The following FAM184A variants were observed in gnomAD, a reference collection of about 807,000 sequenced individuals.
FAM184A encodes the protein protein FAM184A.
In FAM184A, 99 loss-of-function variants were observed where a neutral mutation model predicts 143.8. The observed-to-expected ratio is 0.69, with a 90% CI of 0.58 to 0.81. The LOEUF is 0.81. Among genes scored for constraint, FAM184A ranks in the 40% least tolerant of loss-of-function variants. The pLI, the probability that FAM184A is intolerant of heterozygous loss-of-function variation, is 0.00. For missense variants in FAM184A, 1,217 were observed against 1,310.5 expected (o/e 0.93, Z 1.10); for synonymous variants, 427 against 446.4 (o/e 0.96, Z 0.55).
intron 1 of FAM184A, among the ~76,000 whole-genome samples, chr6:119,053,898 C>G (rs1180994824): frequency 6.6e-6 from 1 of 152,082 alleles, no homozygotes; most frequent in South Asian, 2.1e-4. Context: ...CTGTTGTTTC[C>G]TATGGTGATA....
chr6:118,993,693 T>A (rs1211976466), intron 9 of FAM184A, among the ~76,000 whole-genome samples: 1 of 152,182 alleles, frequency 6.6e-6, no homozygotes, highest in African/African-American at 2.4e-5. Context: ...AAGAGAAAAT[T>A]CTAGATTGCT....
chr6:118,964,829 A>T, intron 15 of FAM184A, 58 bp from the exon 16 acceptor site: 1 of 878,108 alleles, frequency 1.1e-6, no homozygotes, highest in Non-Finnish European at 1.8e-6. Context: ...TTTTAAAAAC[A>T]TAAATGTATA....
intron 1 of FAM184A, among the ~76,000 whole-genome samples, chr6:119,134,743 C>T (rs1789619497): frequency 6.6e-6 from 1 of 151,672 alleles, no homozygotes; most frequent in Non-Finnish European, 1.5e-5. Flanking sequence ...TCACTGAGAT[C>T]ACATGGGAAA....
intron 17 of FAM184A, among the ~76,000 whole-genome samples, chr6:118,960,482 T>C (rs571134434): frequency 1.1e-4 from 17 of 152,318 alleles, no homozygotes; most frequent in African/African-American, 3.8e-4. Context: ...TCAGTAAGAA[T>C]TGTGGGAAAC....
chr6:119,075,575 C>T (rs1203882719), intron 1 of FAM184A, among the ~76,000 whole-genome samples: 4 of 152,156 alleles, frequency 2.6e-5, no homozygotes, highest in African/African-American at 9.7e-5. Flanking sequence ...TGCTATAATG[C>T]TGAAGAGTTG....
chr6:119,138,843 T>G (rs1582648814), intron 1 of FAM184A, among the ~76,000 whole-genome samples: 1 of 152,164 alleles, frequency 6.6e-6, no homozygotes. Context: ...GTCAGGCTGG[T>G]CTTGAACTCC....
At chr6:119,143,549 G>A (rs1315479601) in intron 1 of FAM184A, among the ~76,000 whole-genome samples, 4 of 152,208 alleles carry the variant, frequency 2.6e-5, no homozygotes. Flanking sequence ...CCAAGAGGTG[G>A]AAACAATCGA....
intron 1 of FAM184A, among the ~76,000 whole-genome samples, chr6:119,067,022 CTAAAA>C (rs949080396): frequency 2.0e-5 from 3 of 152,120 alleles, no homozygotes; most frequent in African/African-American, 4.8e-5. Flanking sequence ...TTTATTTAAA[CTAAAA>C]TAAATTATTT....
chr6:118,970,625 A>G (rs1783666195), intron 14 of FAM184A, among the ~76,000 whole-genome samples: 1 of 152,214 alleles, frequency 6.6e-6, no homozygotes, highest in South Asian at 2.1e-4. Context: ...TGATCATCCC[A>G]AGGATGATTA....
At chr6:119,059,718 C>T (rs1292473339) in intron 1 of FAM184A, among the ~76,000 whole-genome samples, 2 of 152,174 alleles carry the variant, frequency 1.3e-5, no homozygotes, top group Non-Finnish European at 2.9e-5. Context: ...CATAAGTAAA[C>T]ATTCTGTCAG....
intron 1 of FAM184A, among the ~76,000 whole-genome samples, chr6:119,111,197 A>G (rs1227880149): frequency 6.6e-6 from 1 of 152,228 alleles, no homozygotes; most frequent in Non-Finnish European, 1.5e-5. Context: ...AGCCTCAAAA[A>G]GGAAGTTTTG....
At chr6:119,038,519 A>G (rs1320584124) in intron 1 of FAM184A, among the ~76,000 whole-genome samples, 1 of 152,166 alleles carries the variant, frequency 6.6e-6, no homozygotes, top group Non-Finnish European at 1.5e-5. Flanking sequence ...CCTCACTGCA[A>G]CACTCCCACC....
upstream of FAM184A, among the ~76,000 whole-genome samples, chr6:119,080,826 C>T (rs1267023450): frequency 6.6e-6 from 1 of 152,056 alleles, no homozygotes; most frequent in Non-Finnish European, 1.5e-5. Context: ...AGTCTGTTCT[C>T]ACATTGCTAT....
chr6:119,061,241 G>C (rs1417816677), intron 1 of FAM184A, among the ~76,000 whole-genome samples: 1 of 152,180 alleles, frequency 6.6e-6, no homozygotes, highest in Non-Finnish European at 1.5e-5. Context: ...CTAGAAGAAA[G>C]ATTACCATCT....
At chr6:118,982,317 C>G (rs11758675) in intron 9 of FAM184A, among the ~76,000 whole-genome samples, 28,341 of 152,214 alleles carry the variant, frequency 0.19, 3,199 homozygotes, top group Non-Finnish European at 0.26. Context: ...GCACCTACCC[C>G]CTCTCTTTGG....
rs367827989 is a variant in FAM184A at position 119,016,843 on chromosome 6, G to A, written c.1434C>T (p.Ala478=). ...LEEEVTQLNE[A]HSKTLEELAW... is the part of the protein sequence containing the mutation. ...CTAATTCTTCCAAAGTCTTAGAATG[G>A]GCCTCGTTTAATTGAGTCACCTCCT... The change falls in exon 5 of 18, where the codon GCC becomes GCT. Residue 478 remains alanine, a synonymous_variant. Coordinates refer to ENST00000338891, the MANE Select transcript of FAM184A (RefSeq NM_024581.6). 136 of 1,613,896 alleles carry A rather than the reference G, an allele frequency of 8.4e-5. No individual in the cohort carries two copies. In the African/African-American group the frequency reaches 1.6e-3, roughly 19 times the overall value.
chr6:119,113,779 T>C (rs1788992980), intron 1 of FAM184A, among the ~76,000 whole-genome samples: 1 of 152,202 alleles, frequency 6.6e-6, no homozygotes, highest in Admixed American at 6.5e-5. Context: ...CTGTCTCTAC[T>C]AAAAATACAA....
At position 119,078,484 on chromosome 6, in the gene FAM184A, G is replaced by T. The variant is rs941853456; in HGVS notation, c.-185C>A. 2.1e-5 allele frequency: 10 copies of T among 477,296 alleles called. No homozygotes were observed. Among genetic ancestry groups the T allele is most frequent in the Non-Finnish European group, 3.3e-5 (10 of 299,574 alleles). The allele number at this position is 477,296 out of a possible 1,614,324, so 29.6% of individuals were successfully genotyped here. ...GGGTCACCCCTGGAAGGGACGGGGC[G>T]GTCCCGCCGGCCCGAAGCCGCGGGG... On this transcript the variant is annotated 5_prime_UTR_variant, in exon 1 of 18. Coordinates refer to ENST00000338891, the MANE Select transcript of FAM184A (RefSeq NM_024581.6). This position sits in a 1 kb window ranked among gnomAD's most constrained non-coding sequence, Gnocchi z 5.5.
At chr6:119,073,058 A>C (rs111332745) in intron 1 of FAM184A, among the ~76,000 whole-genome samples, 1 of 152,234 alleles carries the variant, frequency 6.6e-6, no homozygotes, top group Non-Finnish European at 1.5e-5. Flanking sequence ...AGAACCTTAC[A>C]GTCAAATTAT....
Sources: allele counts gnomAD v4.1 joint callset (sites outside exome capture counted in the v4.1 genomes callset), GRCh38; gene constraint gnomAD v4.1.1; non-coding constraint Gnocchi (gnomAD v3.1); transcripts MANE v1.5; gene names NCBI Gene and HGNC (gene_info 2026-07-23, HGNC 2026-07-21).